Variants in GUCY1B1 observed in about 807,000 individuals in gnomAD.
GUCY1B1 encodes guanylate cyclase soluble subunit beta-1.
In GUCY1B1, 43 loss-of-function variants were observed where a neutral mutation model predicts 71.0. That is an observed-to-expected ratio of 0.61 (90% confidence interval 0.47 to 0.78). GUCY1B1 has a LOEUF of 0.78. Ranked by LOEUF, GUCY1B1 falls within the 30% of genes least tolerant of loss-of-function variation. GUCY1B1 has a pLI of 0.00. For missense variants in GUCY1B1, 535 were observed against 754.1 expected (o/e 0.71, Z 3.40); for synonymous variants, 266 against 259.7 (o/e 1.02, Z -0.23).
intron 2 of GUCY1B1, 50 bp downstream of exon 2, chr4:155,759,910 G>A (rs1736853122): frequency 7.2e-7 from 1 of 1,384,542 alleles, no homozygotes; most frequent in Non-Finnish European, 1.0e-6. Context: ...CCCAGTGTGG[G>A]AGGCCCCCCG....
intron 9 of GUCY1B1, among the ~76,000 whole-genome samples, chr4:155,801,853 A>G (rs544902506): frequency 6.6e-6 from 1 of 152,316 alleles, no homozygotes; most frequent in Non-Finnish European, 1.5e-5. Context: ...GGCATGAATG[A>G]GACTGGAGAG....
At position 155,805,225 on chromosome 4, in the gene GUCY1B1, C is replaced by T. The variant is rs376500529; in HGVS notation, c.1832C>T (p.Thr611Ile). The T allele has an allele frequency of 2.0e-5, 32 of 1,608,180 alleles. No individual in the cohort carries two copies. In the African/African-American group the frequency reaches 3.9e-4, roughly 19 times the overall value. Residue 611 changes from threonine (T) to isoleucine (I), a missense_variant, in exon 13 of 14, where the codon ACA (threonine) becomes ATA (isoleucine). By Grantham distance (89) the Thr-to-Ile change is moderately conservative. Coordinates refer to ENST00000264424, the MANE Select transcript of GUCY1B1 (RefSeq NM_000857.5). ...VWFLSRKNTG[T>I]EETKQDDD ...TTTCTATCCAGAAAAAATACAGGAA[C>T]AGAGGTATGACTAATCAAAGTGTAA... is the stretch of plus-strand genomic sequence containing the variant.
chr4:155,764,255 T>C (rs1312033439), intron 2 of GUCY1B1, among the ~76,000 whole-genome samples: 3 of 152,218 alleles, frequency 2.0e-5, no homozygotes, highest in Non-Finnish European at 4.4e-5. Flanking sequence ...TTTAAAGTAG[T>C]AAGGATACTT....
rs775989527 is a variant in GUCY1B1, at chr4:155,794,095, A to G, written c.726+9A>G. 6.9e-6 allele frequency: 10 copies of G among 1,438,946 alleles called. No individual in the cohort carries two copies. Among genetic ancestry groups the G allele is most frequent in the Non-Finnish European group, 8.8e-6 (9 of 1,021,950 alleles). 89.1% of individuals were successfully genotyped at this position (1,438,946 alleles called of 1,614,324 possible). The stretch of plus-strand genomic sequence containing the variant: ...ACAGAGTTCTCCCCCAGGTAAAATG[A>G]CAGCATACTTCCTTGGGGCCTGAGA... On this transcript the variant is annotated intron_variant, in intron 6 of 13. Transcript: ENST00000264424.
Position 155,805,153 on chromosome 4 carries a change from G to A in GUCY1B1, c.1760G>A (p.Arg587Lys). 1 of 1,611,394 alleles carries A rather than the reference G, an allele frequency of 6.2e-7. No homozygotes were observed. Among genetic ancestry groups the A allele is most frequent in the Non-Finnish European group, 8.5e-7 (1 of 1,178,002 alleles). Reference sequence around the variant, plus strand: ...GATCCACAATTCCACTTGGAGCACAGAGGCCCAGTGTCCATGAAGGGCAAA... The same window carrying A: ...GATCCACAATTCCACTTGGAGCACAAAGGCCCAGTGTCCATGAAGGGCAAA... ...NSDPQFHLEH[R>K]GPVSMKGKKE... Residue 587 changes from arginine to lysine, a missense_variant, in exon 13 of 14, where the codon AGA (arginine) becomes AAA (lysine). By Grantham distance (26) the Arg-to-Lys change is conservative (BLOSUM62 2). Transcript: ENST00000264424.
At position 155,795,514 on chromosome 4, in the gene GUCY1B1, T is replaced by G. The variant is rs948445861; in HGVS notation, c.843+57T>G. On this transcript the variant is annotated intron_variant, in intron 7 of 13. Coordinates refer to ENST00000264424, the MANE Select transcript of GUCY1B1 (RefSeq NM_000857.5). ...AAAGGTATGTCACAAATTAGAAGTATTCAGGGGGGAAAATTATCACATTCT... is the reference window on the plus strand; with the variant it reads ...AAAGGTATGTCACAAATTAGAAGTAGTCAGGGGGGAAAATTATCACATTCT... 12 of 814,240 alleles carry G rather than the reference T, an allele frequency of 1.5e-5. 1 individual carries two copies. Among genetic ancestry groups the G allele is most frequent in the South Asian group, 6.0e-5 (4 of 66,444 alleles). The allele number at this position is 814,240 out of a possible 1,614,324, so 50.4% of individuals were successfully genotyped here.
At chr4:155,767,559 G>A (rs1737418770) in intron 2 of GUCY1B1, among the ~76,000 whole-genome samples, 1 of 152,070 alleles carries the variant, frequency 6.6e-6, no homozygotes. Context: ...ACTAAGGTAT[G>A]GGTGTCACTC....
rs560629312 is a variant in GUCY1B1 at position 155,807,743 on chromosome 4, A to G, written c.*1334A>G. ...CATAGACAGCATATTCTTAAATGCTATATTTCTTTTTAATACCAACAGAGT... is the reference window on the plus strand; with the variant it reads ...CATAGACAGCATATTCTTAAATGCTGTATTTCTTTTTAATACCAACAGAGT... On this transcript the variant is annotated 3_prime_UTR_variant, in exon 14 of 14. Coordinates refer to ENST00000264424, the MANE Select transcript of GUCY1B1 (RefSeq NM_000857.5). Among the ~76,000 whole-genome samples, 3 of 152,114 alleles carry G rather than the reference A, an allele frequency of 2.0e-5. No individual in the cohort carries two copies. The highest frequency in any genetic ancestry group is 4.4e-5 in the Non-Finnish European group (3 of 68,008).
rs768884847 is a variant in GUCY1B1, at chr4:155,802,384, G to A, written c.1218G>A (p.Leu406=). The A allele has an allele frequency of 3.7e-6, 6 of 1,613,398 alleles. No homozygotes were observed. The East Asian group carries it at 1.3e-4, about 36-fold the overall frequency. ...SVLPPSVANE[L]RHKRPVPAKR... ...TTCCTCCGTCTGTTGCCAATGAGCTGCGGCACAAGCGTCCAGTGCCTGCCA... is the reference window on the plus strand; with the variant it reads ...TTCCTCCGTCTGTTGCCAATGAGCTACGGCACAAGCGTCCAGTGCCTGCCA... The change falls in exon 10 of 14, where the codon CTG becomes CTA. Residue 406 remains leucine, a synonymous_variant. Coordinates refer to ENST00000264424, the MANE Select transcript of GUCY1B1 (RefSeq NM_000857.5). This position sits in a 1 kb window ranked among gnomAD's most constrained non-coding sequence, Gnocchi z 4.3.
chr4:155,781,325 G>C (rs1738400603), intron 4 of GUCY1B1, among the ~76,000 whole-genome samples: 1 of 152,034 alleles, frequency 6.6e-6, no homozygotes, highest in African/African-American at 2.4e-5. Flanking sequence ...CTGTAGCTTA[G>C]CTCCAGAAAA....
intron 12 of GUCY1B1, among the ~76,000 whole-genome samples, 170 bp from the exon 13 acceptor site, chr4:155,804,933 C>A (rs1579265095): frequency 6.6e-6 from 1 of 151,916 alleles, no homozygotes; most frequent in African/African-American, 2.4e-5. Flanking sequence ...TATGATTTCA[C>A]ATCATCTTAG....
At chr4:155,794,172 C>T in intron 6 of GUCY1B1, 86 bp downstream of exon 6, 1 of 714,976 alleles carries the variant, frequency 1.4e-6, no homozygotes, top group Non-Finnish European at 2.4e-6. Context: ...TTCATTTAAC[C>T]CTCTGACTAT....
intron 11 of GUCY1B1, 91 bp downstream of exon 11, chr4:155,803,855 A>G (rs1302505175): frequency 6.4e-6 from 5 of 783,592 alleles, no homozygotes; most frequent in Admixed American, 3.6e-5. Context: ...ATTAACGTGT[A>G]TAAAGAAGGG....
intron 4 of GUCY1B1, among the ~76,000 whole-genome samples, chr4:155,788,968 A>G (rs1738979766): frequency 6.6e-6 from 1 of 152,138 alleles, no homozygotes; most frequent in Non-Finnish European, 1.5e-5. Flanking sequence ...CTTTACACCA[A>G]TTAGTTTTGT....
intron 8 of GUCY1B1, among the ~76,000 whole-genome samples, chr4:155,798,777 A>G (rs1414576235): frequency 6.6e-6 from 1 of 152,192 alleles, no homozygotes; most frequent in Non-Finnish European, 1.5e-5. Flanking sequence ...ATGACTTTGC[A>G]TTAAAAAAAT....
chr4:155,802,344 T>C lies in GUCY1B1; in HGVS notation c.1178T>C (p.Leu393Ser). ...TTTCTGCTGATCCCACTGAACAGATTGCTGTATTCTGTCCTTCCTCCGTCT... is the reference window on the plus strand; with the variant it reads ...TTTCTGCTGATCCCACTGAACAGATCGCTGTATTCTGTCCTTCCTCCGTCT... Reference protein sequence around the residue: ...LEDEKKKTDTLLYSVLPPSVA... With the variant: ...LEDEKKKTDTSLYSVLPPSVA... The change falls in exon 10 of 14, where the codon TTG (leucine) becomes TCG (serine). Residue 393 changes from leucine (L) to serine (S), a missense_variant and splice_region_variant. Leu to Ser is a moderately radical substitution (Grantham distance 145). Transcript: ENST00000264424. The surrounding 1 kb of genome is among the most constrained non-coding windows in gnomAD (Gnocchi z 4.3). The C allele has an allele frequency of 6.2e-7, 1 of 1,613,806 alleles. No homozygotes were observed. Among genetic ancestry groups the C allele is most frequent in the Non-Finnish European group, 8.5e-7 (1 of 1,179,812 alleles).
chr4:155,803,751 G>A lies in GUCY1B1; in HGVS notation c.1541G>A (p.Gly514Asp). Residue 514 changes from glycine to aspartate, a missense_variant, in exon 11 of 14, where the codon GGT becomes GAT. Transcript: ENST00000264424. ...ATTGCTGGCCAGGTTCAAGTAGATG[G>A]TGAATCTGTTCAGGTTAGTAAATGA... ...MEIAGQVQVD[G>D]ESVQITIGIH... 1.9e-6 allele frequency: 3 copies of A among 1,590,154 alleles called. No homozygotes were observed. The highest frequency in any genetic ancestry group is 2.6e-6 in the Non-Finnish European group (3 of 1,168,910).
intron 4 of GUCY1B1, among the ~76,000 whole-genome samples, chr4:155,782,871 G>GAT (rs1287063898): frequency 7.2e-5 from 11 of 152,148 alleles, no homozygotes; most frequent in Non-Finnish European, 1.2e-4. Context: ...TAGACTGGCA[G>GAT]ATAGCAGTTC....
At chr4:155,762,188 G>A (rs1247531148) in intron 2 of GUCY1B1, among the ~76,000 whole-genome samples, 1 of 152,124 alleles carries the variant, frequency 6.6e-6, no homozygotes, top group Non-Finnish European at 1.5e-5. Context: ...AGAACCTGGA[G>A]GAGTGTAATT....
Sources: allele counts gnomAD v4.1 joint callset (sites outside exome capture counted in the v4.1 genomes callset), GRCh38; gene constraint gnomAD v4.1.1; non-coding constraint Gnocchi (gnomAD v3.1); transcripts MANE v1.5; gene names NCBI Gene and HGNC (gene_info 2026-07-23, HGNC 2026-07-21).